Variants in PIGN observed in about 807,000 individuals in gnomAD.
The protein encoded by PIGN is phosphatidylinositol glycan anchor biosynthesis class N.
PIGN carries 117 observed loss-of-function variants against 125.4 expected under a neutral mutation model. The ratio of observed to expected loss-of-function variants is 0.93; its 90% CI spans 0.80 to 1.09. PIGN has a LOEUF of 1.09. Among genes scored for constraint, PIGN ranks in the 50% least tolerant of loss-of-function variants. The pLI is 0.00. For missense variants in PIGN, 1,075 were observed against 1,094.9 expected, an observed-to-expected ratio of 0.98 and a Z score of 0.26; for synonymous variants, 392 against 377.8, an observed-to-expected ratio of 1.04 and a Z score of -0.44.
At chr18:62,054,439 GATAAA>G (rs976671883) in intron 30 of PIGN, among the ~76,000 whole-genome samples, 1 of 149,192 alleles carries the variant, frequency 6.7e-6, no homozygotes, top group Non-Finnish European at 1.5e-5. Context: ...TACAGACTGG[GATAAA>G]ACACTTGCAA....
At chr18:62,186,430 G>T (rs754155920) in intron 1 of PIGN, 4 of 152,192 alleles carry the variant, frequency 2.6e-5, no homozygotes, top group Non-Finnish European at 5.9e-5. Flanking sequence ...TATTCTGAAG[G>T]GTCCCTGTTG....
chr18:62,018,251 A>AGCTGGGAG lies in PIGN; in HGVS notation c.2143-518_2143-511dup, dbSNP rs1379810842. Among the ~76,000 whole-genome samples the AGCTGGGAG allele has an allele frequency of 2.0e-5, 3 of 152,304 alleles. No individual in the cohort carries two copies. The East Asian group carries it at 5.8e-4, about 29-fold the overall frequency. ...TGAGGACTTCCAGCTGCTCTGGTAG[A>AGCTGGGAG]GCTGGGAGGCTGGGAATGGGCGAGA... is the stretch of plus-strand genomic sequence containing the variant. On this transcript the variant is annotated intron_variant, in intron 23 of 24. Coordinates refer to the PIGN transcript ENST00000639600.
intron 1 of PIGN, among the ~76,000 whole-genome samples, chr18:62,185,654 T>A (rs547986996): frequency 3.4e-5 from 1 of 29,010 alleles, no homozygotes; most frequent in Admixed American, 5.4e-4. Context: ...CTGAATGTAA[T>A]ATGTCACTTA....
rs760706480 is a variant in PIGN, at chr18:62,157,220, C to T, written c.351G>A (p.Lys117=). 16 of 1,586,410 alleles carry T rather than the reference C, an allele frequency of 1.0e-5. No individual in the cohort carries two copies. In the East Asian group the frequency reaches 3.4e-4, roughly 33 times the overall value. ...EDVSAVAKGW[K]ENPVEFDSLF... ...GAGAATCAAACTCTACAGGATTTTC[C>T]TTCCATCCTTCAGAAAGCAAGCAAG... The change falls in exon 6 of 31, where the codon AAG becomes AAA. Residue 117 remains lysine, a synonymous_variant. Transcript: ENST00000640252.
At chr18:62,128,793 T>C (rs1221891773) in intron 14 of PIGN, among the ~76,000 whole-genome samples, 1 of 152,152 alleles carries the variant, frequency 6.6e-6, no homozygotes, top group Non-Finnish European at 1.5e-5. Flanking sequence ...TACATTTGCA[T>C]CTACTGTCCC....
intron 30 of PIGN, among the ~76,000 whole-genome samples, chr18:62,067,684 C>T (rs1434134800): frequency 6.6e-6 from 1 of 152,186 alleles, no homozygotes; most frequent in Non-Finnish European, 1.5e-5. Flanking sequence ...AGTAATATCC[C>T]ATTGTATGGC....
intron 14 of PIGN, among the ~76,000 whole-genome samples, chr18:62,117,103 G>A (rs2035115517): frequency 6.6e-6 from 1 of 152,146 alleles, no homozygotes; most frequent in African/African-American, 2.4e-5. Context: ...ACATATCAAA[G>A]ATTTGCAATA....
intron 1 of PIGN, among the ~76,000 whole-genome samples, chr18:62,179,196 G>A (rs1312382751): frequency 1.3e-5 from 2 of 152,164 alleles, no homozygotes; most frequent in African/African-American, 4.8e-5. Flanking sequence ...TTACTAAACT[G>A]TTAATATAAA....
chr18:62,055,319 G>C (rs1599408462), intron 30 of PIGN, among the ~76,000 whole-genome samples: 1 of 152,128 alleles, frequency 6.6e-6, no homozygotes, highest in East Asian at 1.9e-4. Context: ...TCAGCAATAA[G>C]AAGTAACGAA....
At chr18:62,026,725 C>T (rs1263682831) in intron 23 of PIGN, among the ~76,000 whole-genome samples, 1 of 152,186 alleles carries the variant, frequency 6.6e-6, no homozygotes, top group African/African-American at 2.4e-5. Context: ...CCACTCTTGT[C>T]AAAAGACATT....
intron 23 of PIGN, among the ~76,000 whole-genome samples, chr18:62,027,466 T>A (rs1201399025): frequency 6.6e-6 from 1 of 152,200 alleles, no homozygotes; most frequent in Non-Finnish European, 1.5e-5. Context: ...ATATGTAAGA[T>A]GAACATTGGT....
chr18:62,083,776 C>T (rs2033560830), intron 27 of PIGN, among the ~76,000 whole-genome samples: 1 of 152,100 alleles, frequency 6.6e-6, no homozygotes, highest in Admixed American at 6.5e-5. Context: ...ATGTGAGAAA[C>T]TGAACATCTT....
intron 11 of PIGN, among the ~76,000 whole-genome samples, 172 bp from the exon 12 acceptor site, chr18:62,140,651 T>C (rs2036100447): frequency 6.6e-6 from 1 of 152,126 alleles, no homozygotes; most frequent in Non-Finnish European, 1.5e-5. Context: ...ATTTGCTAGA[T>C]GTATATGAAC....
intron 23 of PIGN, among the ~76,000 whole-genome samples, chr18:62,031,176 G>A (rs1228838938): frequency 6.6e-6 from 1 of 152,098 alleles, no homozygotes; most frequent in Non-Finnish European, 1.5e-5. Flanking sequence ...AAGTTCTGAT[G>A]GTTTTATAAA....
chr18:62,084,429 G>T, intron 27 of PIGN, 102 bp downstream of exon 27: 1 of 716,944 alleles, frequency 1.4e-6, no homozygotes, highest in Non-Finnish European at 2.3e-6. Flanking sequence ...TGCCAACTCT[G>T]AAAGGATATC....
intron 30 of PIGN, among the ~76,000 whole-genome samples, chr18:62,048,871 G>A: frequency 1.1e-5 from 1 of 90,524 alleles, no homozygotes. Flanking sequence ...CCCCACAACA[G>A]TCCCCAGAGT....
intron 1 of PIGN, among the ~76,000 whole-genome samples, chr18:62,172,280 T>G (rs1193167687): frequency 6.6e-6 from 1 of 152,146 alleles, no homozygotes; most frequent in Non-Finnish European, 1.5e-5. Flanking sequence ...CTATTATCCC[T>G]TTTTCCTGTC....
intron 1 of PIGN, among the ~76,000 whole-genome samples, chr18:62,172,281 T>C (rs1222894336): frequency 1.3e-5 from 2 of 152,150 alleles, no homozygotes; most frequent in Non-Finnish European, 2.9e-5. Flanking sequence ...TATTATCCCT[T>C]TTTCCTGTCC....
chr18:62,153,276 A>G (rs1865158416), intron 7 of PIGN, among the ~76,000 whole-genome samples: 1 of 152,190 alleles, frequency 6.6e-6, no homozygotes, highest in African/African-American at 2.4e-5. Flanking sequence ...TTTCCTTCAC[A>G]TCACTTACCA....
Sources: gnomAD v4.1 joint callset for allele counts (sites outside exome capture counted in the v4.1 genomes callset) on GRCh38, gnomAD v4.1.1 for gene constraint, MANE v1.5 for transcripts, NCBI Gene and HGNC (gene_info 2026-07-23, HGNC 2026-07-21) for gene names.